The following TMSB15B variants were observed in gnomAD, a reference collection of about 807,000 sequenced individuals.
TMSB15B encodes thymosin beta-15B.
chrX:103,928,226 C>T, intron 1 of TMSB15B: 3 of 1,202,837 alleles, frequency 2.5e-6, no homozygotes, highest in South Asian at 3.5e-5. Context: ...GTCTACTTTT[C>T]TGACCTTTCC....
At chrX:103,953,626 C>T (rs1238256595) in intron 1 of TMSB15B, among the ~76,000 whole-genome samples, 2 of 112,544 alleles carry the variant, frequency 1.8e-5, no homozygotes, top group South Asian at 3.6e-4. Context: ...CAAACCAACT[C>T]GGGGCAGAAG....
chrX:103,929,033 G>A, intron 1 of TMSB15B: 1 of 1,128,787 alleles, frequency 8.9e-7, no homozygotes, highest in Middle Eastern at 3.5e-4. Context: ...CAGAAAGTGT[G>A]GCCATGCCAC....
intron 1 of TMSB15B, among the ~76,000 whole-genome samples, chrX:103,937,099 A>G (rs2075000174): frequency 8.9e-6 from 1 of 111,919 alleles, no homozygotes; most frequent in Non-Finnish European, 1.9e-5. Flanking sequence ...TTTCACATTG[A>G]TGTTCACTAG....
At chrX:103,954,364 T>A (rs1306878188) in intron 1 of TMSB15B, among the ~76,000 whole-genome samples, 1 of 111,987 alleles carries the variant, frequency 8.9e-6, no homozygotes, top group Non-Finnish European at 1.9e-5. Context: ...TACAGGGCAG[T>A]CTTGCGTGCT....
At chrX:103,935,818 G>GCT (rs1556321438) in intron 1 of TMSB15B, among the ~76,000 whole-genome samples, 1 of 107,407 alleles carries the variant, frequency 9.3e-6, no homozygotes, top group Non-Finnish European at 1.9e-5. Flanking sequence ...GGCAATGCGG[G>GCT]CTCTTTTTTG....
At chrX:103,932,731 A>T (rs1422082146) in intron 1 of TMSB15B, 1 of 111,841 alleles carries the variant, frequency 8.9e-6, no homozygotes, top group African/African-American at 3.2e-5. Context: ...AGGGTGTAGT[A>T]GTTTTCAAGT....
intron 1 of TMSB15B, among the ~76,000 whole-genome samples, chrX:103,934,916 A>G (rs183664519): frequency 1.7e-3 from 193 of 112,252 alleles, no homozygotes; most frequent in African/African-American, 6.0e-3. Flanking sequence ...GAATCACCAT[A>G]CTTTCTTCCA....
chrX:103,927,030 A>AT (rs1256196134), intron 1 of TMSB15B, among the ~76,000 whole-genome samples: 11 of 108,910 alleles, frequency 1.0e-4, no homozygotes, highest in African/African-American at 3.3e-5. Flanking sequence ...CTGAGCATTC[A>AT]TTTTTTTTCG....
At chrX:103,924,650 A>G (rs2074963122) in intron 1 of TMSB15B, among the ~76,000 whole-genome samples, 2 of 111,584 alleles carry the variant, frequency 1.8e-5, no homozygotes, top group Non-Finnish European at 3.8e-5. Context: ...TGATCAATAC[A>G]TGTTTGTGAG....
At chrX:103,945,675 T>A (rs1439775370) in intron 1 of TMSB15B, among the ~76,000 whole-genome samples, 1 of 112,262 alleles carries the variant, frequency 8.9e-6, no homozygotes, top group Non-Finnish European at 1.9e-5. Flanking sequence ...TAAATATTAG[T>A]TGAATTAAAT....
chrX:103,949,057 C>A (rs782049401), intron 1 of TMSB15B, among the ~76,000 whole-genome samples: 64 of 111,059 alleles, frequency 5.8e-4, no homozygotes, highest in Admixed American at 5.4e-3. Context: ...AAACGAGTAG[C>A]TCTATTGGAA....
intron 1 of TMSB15B, among the ~76,000 whole-genome samples, chrX:103,950,202 T>C (rs2075035513): frequency 9.0e-6 from 1 of 111,058 alleles, no homozygotes; most frequent in African/African-American, 3.3e-5. Context: ...ATTGAGGACA[T>C]TGAATAGAGA....
intron 1 of TMSB15B, chrX:103,928,438 G>A: frequency 8.3e-7 from 1 of 1,204,101 alleles, no homozygotes; most frequent in Non-Finnish European, 1.1e-6. Context: ...ACACACCCTG[G>A]GACGCCACTG....
At chrX:103,928,526 A>T (rs1182595349) in intron 1 of TMSB15B, 1 of 1,194,691 alleles carries the variant, frequency 8.4e-7, no homozygotes, top group African/African-American at 1.8e-5. Context: ...GTGCTCCAGG[A>T]TGGTTGCAAG....
chrX:103,946,096 T>A (rs1450780148), intron 1 of TMSB15B, among the ~76,000 whole-genome samples: 1 of 111,852 alleles, frequency 8.9e-6, no homozygotes, highest in Non-Finnish European at 1.9e-5. Flanking sequence ...GAATCTTGGG[T>A]GAGAGGCAAA....
chrX:103,928,887 A>G, intron 1 of TMSB15B: 1 of 1,206,533 alleles, frequency 8.3e-7, no homozygotes, highest in South Asian at 1.8e-5. Context: ...CTTGGGGCCA[A>G]AAGCTTCTCC....
At chrX:103,949,140 A>C (rs1403403306) in intron 1 of TMSB15B, among the ~76,000 whole-genome samples, 2 of 110,951 alleles carry the variant, frequency 1.8e-5, no homozygotes, top group Non-Finnish European at 3.8e-5. Flanking sequence ...CTGTTTGTAG[A>C]ATAGCAAGAA....
At chrX:103,945,725 T>C (rs182695498) in intron 1 of TMSB15B, among the ~76,000 whole-genome samples, 1 of 112,179 alleles carries the variant, frequency 8.9e-6, no homozygotes, top group Admixed American at 9.4e-5. Context: ...AGGCATGGTT[T>C]CTGCTCTCAA....
At chrX:103,948,233 A>G (rs1248383314) in intron 1 of TMSB15B, among the ~76,000 whole-genome samples, 1 of 112,366 alleles carries the variant, frequency 8.9e-6, no homozygotes, top group African/African-American at 3.2e-5. Flanking sequence ...GGACATACAG[A>G]TTCAAACACT....
Sources: allele counts gnomAD v4.1 joint callset (sites outside exome capture counted in the v4.1 genomes callset), GRCh38; gene constraint gnomAD v4.1.1; transcripts MANE v1.5; gene names NCBI Gene and HGNC (gene_info 2026-07-23, HGNC 2026-07-21).